Variants in SCN2A observed in about 807,000 individuals in gnomAD.
The protein encoded by SCN2A is sodium voltage-gated channel alpha subunit 2, also known as sodium channel protein type 2 subunit alpha.
In SCN2A, 20 loss-of-function variants were observed where a neutral mutation model predicts 188.7. The ratio of observed to expected loss-of-function variants is 0.11; its 90% CI spans 0.07 to 0.15. The LOEUF (loss-of-function observed/expected upper bound fraction) is 0.15. Ranked by LOEUF, SCN2A falls within the 10% of genes least tolerant of loss-of-function variation. SCN2A has a pLI of 1.00. For missense variants in SCN2A, 1,278 were observed against 2,445.0 expected (o/e 0.52, Z 10.07); for synonymous variants, 804 against 833.1 (o/e 0.97, Z 0.60).
At chr2:165,254,289 C>A (rs1416943673) in intron 1 of SCN2A, among the ~76,000 whole-genome samples, 2 of 151,374 alleles carry the variant, frequency 1.3e-5, no homozygotes, top group African/African-American at 4.8e-5. Context: ...TTTTTCATTA[C>A]TATTTTGGAT....
At chr2:165,288,836 G>A (rs562215660) in intron 1 of SCN2A, among the ~76,000 whole-genome samples, 1 of 151,928 alleles carries the variant, frequency 6.6e-6, no homozygotes, top group East Asian at 1.9e-4. Flanking sequence ...AAATAGACTT[G>A]AACCTATGGA....
At chr2:165,296,292 G>A in intron 2 of SCN2A, 1 of 600,514 alleles carries the variant, frequency 1.7e-6, no homozygotes, top group Non-Finnish European at 2.9e-6. Flanking sequence ...TGTGAGACAG[G>A]CAGAGAACTG....
At chr2:165,271,998 T>C (rs1346507624) in intron 1 of SCN2A, 1 of 152,108 alleles carries the variant, frequency 6.6e-6, no homozygotes, top group African/African-American at 2.4e-5. Context: ...AAGTTTTAAC[T>C]AGTATAAAAA....
rs757986594 is a variant in SCN2A at position 165,386,865 on chromosome 2, A to G, written c.4671A>G (p.Gln1557=). 4.3e-6 allele frequency: 7 copies of G among 1,614,000 alleles called. No homozygotes were observed. The highest frequency in any genetic ancestry group is 1.7e-4 in the Middle Eastern group (1 of 6,060). The change falls in exon 26 of 27, where the codon CAA becomes CAG. Residue 1557 remains glutamine (Q), a synonymous_variant. Coordinates refer to ENST00000375437, the MANE Select transcript of SCN2A (RefSeq NM_001040142.2). ...TMMVETDDQS[Q]EMTNILYWIN... ...TGGTGGAAACCGATGACCAGAGTCA[A>G]GAAATGACAAACATTCTGTACTGGA...
In SCN2A at chr2:165,252,673, G is replaced by A. The variant is rs181580758; in HGVS notation, c.-52+13033G>A. Among the ~76,000 whole-genome samples the A allele has an allele frequency of 1.9e-4, 29 of 152,120 alleles. 1 individual carries two copies. The East Asian group carries it at 4.4e-3, about 23-fold the overall frequency. ...AGTAAGGAGAGATTTTATCTTCAGGGATGATTACAAGGTGGGGAAAGGGCA... is the reference window on the plus strand; with the variant it reads ...AGTAAGGAGAGATTTTATCTTCAGGAATGATTACAAGGTGGGGAAAGGGCA... On this transcript the variant is annotated intron_variant, in intron 1 of 26. Coordinates refer to ENST00000375437, the MANE Select transcript of SCN2A (RefSeq NM_001040142.2).
chr2:165,248,216 T>C (rs1693935586), intron 1 of SCN2A, among the ~76,000 whole-genome samples: 1 of 152,140 alleles, frequency 6.6e-6, no homozygotes, highest in Non-Finnish European at 1.5e-5. Context: ...TTACGCCACA[T>C]CCCTGCTCAA....
chr2:165,240,747 C>T (rs898920936), intron 1 of SCN2A, among the ~76,000 whole-genome samples: 7 of 144,576 alleles, frequency 4.8e-5, no homozygotes, highest in East Asian at 2.1e-4. Context: ...TTATCTCAGT[C>T]ATTGTTTTCC....
At chr2:165,348,307 C>T (rs767597836) in intron 16 of SCN2A, among the ~76,000 whole-genome samples, 20 of 145,618 alleles carry the variant, frequency 1.4e-4, no homozygotes, top group Non-Finnish European at 2.7e-4. Context: ...GGCAGTGACC[C>T]GAGATTGTGC....
At chr2:165,383,765 A>G (rs1048099333) in intron 25 of SCN2A, among the ~76,000 whole-genome samples, 1 of 152,208 alleles carries the variant, frequency 6.6e-6, no homozygotes, top group African/African-American at 2.4e-5. Flanking sequence ...GAAGGAACCA[A>G]CAAGAATGAC....
At chr2:165,286,489 C>G (rs1468840208) in intron 1 of SCN2A, among the ~76,000 whole-genome samples, 3 of 152,148 alleles carry the variant, frequency 2.0e-5, no homozygotes, top group Non-Finnish European at 4.4e-5. Context: ...TTCAAAATAT[C>G]AAATGTAACA....
intron 6 of SCN2A, among the ~76,000 whole-genome samples, chr2:165,309,679 A>C (rs1363312310): frequency 6.6e-6 from 1 of 152,162 alleles, no homozygotes; most frequent in Non-Finnish European, 1.5e-5. Context: ...CATTTGCAGT[A>C]ACAGGCTACA....
At chr2:165,367,808 C>A (rs563176934) in intron 19 of SCN2A, among the ~76,000 whole-genome samples, 183 of 152,254 alleles carry the variant, frequency 1.2e-3, no homozygotes, top group Middle Eastern at 3.4e-3. Flanking sequence ...GGAGGGGGAG[C>A]GCAGGTGACT....
intron 14 of SCN2A, among the ~76,000 whole-genome samples, chr2:165,340,086 G>A (rs1242745107): frequency 6.6e-6 from 1 of 152,268 alleles, no homozygotes; most frequent in East Asian, 1.9e-4. Flanking sequence ...ATAAATAAAT[G>A]TATGGAAAAT....
intron 1 of SCN2A, among the ~76,000 whole-genome samples, chr2:165,279,541 C>A (rs1383967804): frequency 6.6e-6 from 1 of 151,782 alleles, no homozygotes; most frequent in Non-Finnish European, 1.5e-5. Flanking sequence ...ATAACTACAG[C>A]CAAGTTTTTA....
chr2:165,326,881 G>T lies in SCN2A; in HGVS notation c.2046G>T (p.Lys682Asn), dbSNP rs756493732. Residue 682 changes from lysine (K) to asparagine (N), a missense_variant, in exon 13 of 27, where the codon AAG becomes AAT. Lys to Asn is a moderately conservative substitution (Grantham distance 94, BLOSUM62 0). Transcript: ENST00000375437. The stretch of plus-strand genomic sequence containing the variant: ...CAACTACTGAAACAGAAATAAGAAA[G>T]AGACGGTCCAGTTCTTATCATGTTT... ...EGTTTETEIR[K>N]RRSSSYHVSM... The T allele has an allele frequency of 9.9e-6, 16 of 1,613,832 alleles. No homozygotes were observed. The highest frequency in any genetic ancestry group is 3.3e-4 in the Middle Eastern group (2 of 6,082).
chr2:165,243,464 T>A (rs1254641862), intron 1 of SCN2A, among the ~76,000 whole-genome samples: 3 of 152,042 alleles, frequency 2.0e-5, no homozygotes, highest in Non-Finnish European at 1.5e-5. Flanking sequence ...TAGCTGGGTG[T>A]GGTGGCAGGC....
In SCN2A at chr2:165,325,992, GA is replaced by G. The variant is rs1467510309; in HGVS notation, c.2017-857del. Among the ~76,000 whole-genome samples, 5 of 152,138 alleles carry G rather than the reference GA, an allele frequency of 3.3e-5. No individual in the cohort carries two copies. In the East Asian group the frequency reaches 9.6e-4, roughly 29 times the overall value. On this transcript the variant is annotated intron_variant, in intron 12 of 26. Transcript: ENST00000375437. ...ATCATATTGTTCTTTTAGAAATAGG[GA>G]AAGTCCTCAAAGGAATGAAACTTTT...
Position 165,365,123 on chromosome 2 carries a change from T to C in SCN2A, c.3400-20T>C, listed in dbSNP as rs1181871853. The C allele has an allele frequency of 6.2e-7, 1 of 1,609,852 alleles. No individual in the cohort carries two copies. The highest frequency in any genetic ancestry group is 8.5e-7 in the Non-Finnish European group (1 of 1,176,684). On this transcript the variant is annotated intron_variant, in intron 17 of 26. Coordinates refer to ENST00000375437, the MANE Select transcript of SCN2A (RefSeq NM_001040142.2). The stretch of plus-strand genomic sequence containing the variant: ...TAAAGAAAATAATTAAATGTGTTTT[T>C]TTGTGGGATTGATTTTCAGAAGCTA...
chr2:165,372,612 T>C (rs2105369548), intron 20 of SCN2A: 1 of 151,338 alleles, frequency 6.6e-6, no homozygotes, highest in South Asian at 2.2e-4. Flanking sequence ...AAAGACAACA[T>C]TGTTCTTGCA....
Sources: gnomAD v4.1 joint callset for allele counts (sites outside exome capture counted in the v4.1 genomes callset) on GRCh38, gnomAD v4.1.1 for gene constraint, MANE v1.5 for transcripts, NCBI Gene and HGNC (gene_info 2026-07-23, HGNC 2026-07-21) for gene names.